The following ZNF221 variants were observed in gnomAD, a reference collection of about 807,000 sequenced individuals.
ZNF221 encodes zinc finger protein 221.
A neutral mutation model predicts 12.6 loss-of-function variants in ZNF221; 10 were observed. The observed-to-expected ratio is 0.79, with a 90% CI of 0.49 to 1.34. The LOEUF (loss-of-function observed/expected upper bound fraction) is 1.34, where lower values mean the gene tolerates loss of function less well. ZNF221 is among the 40% of genes most tolerant of loss of function. The pLI is 0.00. For synonymous variants in ZNF221, 232 were observed against 244.0 expected (o/e 0.95, Z 0.46); for missense variants, 661 against 721.4 (o/e 0.92, Z 0.96).
At chr19:43,952,392 T>G (rs1974687216) in intron 1 of ZNF221, among the ~76,000 whole-genome samples, 1 of 152,234 alleles carries the variant, frequency 6.6e-6, no homozygotes, top group African/African-American at 2.4e-5. Flanking sequence ...GTCATTTTTC[T>G]TTTACAGTAA....
chr19:43,954,441 C>T (rs985697717), intron 1 of ZNF221, among the ~76,000 whole-genome samples: 1 of 152,176 alleles, frequency 6.6e-6, no homozygotes, highest in Non-Finnish European at 1.5e-5. Flanking sequence ...ATTAGAATCA[C>T]CACTGTGCCG....
At chr19:43,954,532 T>C (rs1974724459) in intron 1 of ZNF221, among the ~76,000 whole-genome samples, 1 of 152,154 alleles carries the variant, frequency 6.6e-6, no homozygotes, top group Non-Finnish European at 1.5e-5. Context: ...TAAGGTTACT[T>C]AGGTGCAGAA....
intron 1 of ZNF221, among the ~76,000 whole-genome samples, chr19:43,955,557 C>T (rs1974742157): frequency 6.6e-6 from 1 of 152,124 alleles, no homozygotes; most frequent in Admixed American, 6.5e-5. Context: ...AAGTTCATGC[C>T]TCACATGGGC....
At chr19:43,977,067 G>A in the ZNF221 span, 3 of 152,158 alleles carry the variant, frequency 2.0e-5, no homozygotes, top group East Asian at 5.8e-4. Context: ...AAAAAGAGAA[G>A]AGCATAATGT....
chr19:43,959,542 T>C (rs1974810742), intron 1 of ZNF221, among the ~76,000 whole-genome samples: 1 of 152,202 alleles, frequency 6.6e-6, no homozygotes, highest in African/African-American at 2.4e-5. Context: ...TGCTATCCCC[T>C]TGGTGATTAG....
the ZNF221 span, among the ~76,000 whole-genome samples, chr19:43,980,926 A>C: frequency 6.6e-6 from 1 of 152,200 alleles, no homozygotes; most frequent in Non-Finnish European, 1.5e-5. Flanking sequence ...AGAAAAGCCA[A>C]AAGTGATTAA....
At chr19:43,964,512 A>G (rs1974903351) in intron 2 of ZNF221, among the ~76,000 whole-genome samples, 1 of 152,232 alleles carries the variant, frequency 6.6e-6, no homozygotes, top group African/African-American at 2.4e-5. Flanking sequence ...GATACTAAAG[A>G]AAAGTTAACA....
rs1033267568 is a variant in ZNF221 at position 43,967,163 on chromosome 19, G to A, written c.1661G>A (p.Arg554Lys). The part of the protein sequence containing the change: ...NSKFNLDMHQ[R>K]VHGGERPYNC... ...AAATTTAATCTTGACATGCACCAGA[G>A]GGTCCACGGGGGAGAGCGACCCTAT... The change falls in exon 5 of 5, where the codon AGG becomes AAG. Residue 554 changes from arginine to lysine, a missense_variant. Arg to Lys is a conservative substitution (Grantham distance 26). Transcript: ENST00000587682. The A allele has an allele frequency of 1.9e-6, 3 of 1,594,112 alleles. No homozygotes were observed. The highest frequency in any genetic ancestry group is 2.6e-6 in the Non-Finnish European group (3 of 1,167,594).
chr19:43,966,177 C>G lies in ZNF221; in HGVS notation c.675C>G (p.Cys225Trp), dbSNP rs1267300724. 6.2e-7 allele frequency: 1 copy of G among 1,614,158 alleles called. No individual in the cohort carries two copies. The highest frequency in any genetic ancestry group is 1.3e-5 in the African/African-American group (1 of 75,028). ...IHQRVHMGEK[C>W]YKCDVCGKEF... ...AGAGAGTCCATATGGGAGAAAAATG[C>G]TATAAGTGTGATGTGTGTGGTAAGG... The change falls in exon 5 of 5, where the codon TGC (cysteine) becomes TGG (tryptophan). Residue 225 changes from cysteine (C) to tryptophan (W), a missense_variant. Transcript: ENST00000587682.
At chr19:43,964,554 A>G (rs1270329361) in intron 2 of ZNF221, among the ~76,000 whole-genome samples, 2 of 152,230 alleles carry the variant, frequency 1.3e-5, no homozygotes, top group East Asian at 1.9e-4. Flanking sequence ...AAGGAAGACA[A>G]TGGAAGAGAG....
At chr19:43,972,763 C>CA in the ZNF221 span, among the ~76,000 whole-genome samples, 806 of 67,938 alleles carry the variant, frequency 0.012, 41 homozygotes, top group African/African-American at 0.038. Context: ...AATAGTCTAC[C>CA]AAAAAAAAAA....
chr19:43,959,385 CT>C (rs1974807961), intron 1 of ZNF221, among the ~76,000 whole-genome samples: 1 of 152,174 alleles, frequency 6.6e-6, no homozygotes, highest in South Asian at 2.1e-4. Context: ...AAAATTCGAA[CT>C]TGGTCAAGCA....
the ZNF221 span, among the ~76,000 whole-genome samples, chr19:43,980,729 G>A: frequency 1.1e-3 from 160 of 152,194 alleles, 1 homozygote; most frequent in African/African-American, 3.7e-3. Flanking sequence ...CCCTTCCTAC[G>A]ATCAAAAAAT....
At chr19:43,970,030 T>TC (rs1301238280), downstream of ZNF221, among the ~76,000 whole-genome samples, 1 of 152,106 alleles carries the variant, frequency 6.6e-6, no homozygotes, top group Non-Finnish European at 1.5e-5. Flanking sequence ...CTGGTCAGTA[T>TC]CCCCCTGGGA....
chr19:43,980,505 A>G, the ZNF221 span, among the ~76,000 whole-genome samples: 10 of 152,340 alleles, frequency 6.6e-5, no homozygotes, highest in South Asian at 4.1e-4. Context: ...ACTAACTCCT[A>G]TTATCAAATG....
chr19:43,957,380 C>T (rs1974774750), intron 1 of ZNF221, among the ~76,000 whole-genome samples: 1 of 152,036 alleles, frequency 6.6e-6, no homozygotes. Context: ...ACCATGTTGG[C>T]CAGGCTGGTC....
chr19:43,968,456 G>A (rs1379063534), downstream of ZNF221, among the ~76,000 whole-genome samples: 1 of 152,174 alleles, frequency 6.6e-6, no homozygotes, highest in African/African-American at 2.4e-5. Context: ...TGTGTGTTTG[G>A]TACATGTAAG....
the ZNF221 span, among the ~76,000 whole-genome samples, chr19:43,980,046 A>G: frequency 0.026 from 3,913 of 152,320 alleles, 121 homozygotes; most frequent in African/African-American, 0.075. Context: ...ACGAAGGACT[A>G]TAGTGGTATT....
intron 1 of ZNF221, among the ~76,000 whole-genome samples, chr19:43,953,483 A>G (rs781028360): frequency 6.6e-6 from 1 of 152,084 alleles, no homozygotes; most frequent in Non-Finnish European, 1.5e-5. Context: ...ACGATTGATT[A>G]AACCATTGGC....
Sources: gnomAD v4.1 joint callset for allele counts (sites outside exome capture counted in the v4.1 genomes callset) on GRCh38, gnomAD v4.1.1 for gene constraint, MANE v1.5 for transcripts, NCBI Gene and HGNC (gene_info 2026-07-23, HGNC 2026-07-21) for gene names.